The following CIITA variants were observed in gnomAD, a reference collection of about 807,000 sequenced individuals.
CIITA encodes class II major histocompatibility complex transactivator.
A neutral mutation model predicts 115.1 loss-of-function variants in CIITA; 72 were observed. The observed-to-expected ratio is 0.63, with a 90% CI of 0.52 to 0.76. CIITA has a LOEUF of 0.76. CIITA is among the 30% of genes least tolerant of loss of function. The probability of loss-of-function intolerance (pLI) is 0.00; values close to 1 mark genes in which losing one functional copy is unlikely to be tolerated. For missense variants in CIITA, 1,617 were observed against 1,463.8 expected, an observed-to-expected ratio of 1.10 and a Z score of -1.71; for synonymous variants, 763 against 635.6, an observed-to-expected ratio of 1.20 and a Z score of -3.02.
At position 10,931,995 on chromosome 16, in the gene CIITA, G is replaced by A. The variant is rs979285627; in HGVS notation, c.*8140G>A. ...GTAACAGGCAGATACAGGAAAAGCTGCTGACAGTGTTGTATGAGGTTTGAG... is the reference window on the plus strand; with the variant it reads ...GTAACAGGCAGATACAGGAAAAGCTACTGACAGTGTTGTATGAGGTTTGAG... On this transcript the variant is annotated 3_prime_UTR_variant, in exon 20 of 20. Transcript: ENST00000324288. 7 of 152,270 alleles carry A rather than the reference G, an allele frequency of 4.6e-5. No individual in the cohort carries two copies. The highest frequency in any genetic ancestry group is 1.7e-4 in the African/African-American group (7 of 41,466). The allele number at this position is 152,270 out of a possible 1,614,324, so 9.4% of individuals were successfully genotyped here.
intron 1 of CIITA, among the ~76,000 whole-genome samples, chr16:10,882,417 A>G (rs1423549158): frequency 1.6e-4 from 25 of 152,192 alleles, no homozygotes; most frequent in Admixed American, 1.6e-3. Context: ...GAAAGACTTC[A>G]GGAAGGAAAG....
intron 1 of CIITA, among the ~76,000 whole-genome samples, chr16:10,894,983 A>T (rs1480207595): frequency 6.6e-6 from 1 of 152,192 alleles, no homozygotes; most frequent in African/African-American, 2.4e-5. Flanking sequence ...GTTACCACTC[A>T]TGGCATTGCC....
intron 7 of CIITA, 71 bp downstream of exon 7, chr16:10,902,255 C>T: frequency 1.3e-6 from 2 of 1,583,264 alleles, no homozygotes; most frequent in Non-Finnish European, 1.7e-6. Context: ...GACACTAAGG[C>T]AGGGACTGTC....
Position 10,915,605 on chromosome 16 carries a change from A to C in CIITA, c.2924A>C (p.Lys975Thr). ...GTCTCAGGCCCCCAGGCTTTCCCCA[A>C]ACTGGTGCGGATCCTCACGGCCTTT... ...GPVSGPQAFPKLVRILTAFSS... is the reference protein window; with the variant it reads ...GPVSGPQAFPTLVRILTAFSS... Residue 975 changes from lysine (K) to threonine (T), a missense_variant, in exon 14 of 20, where the codon AAA (lysine) becomes ACA (threonine). Physicochemically the swap from Lys to Thr is moderately conservative, Grantham distance 78. Transcript: ENST00000324288. 1.9e-6 allele frequency: 3 copies of C among 1,613,996 alleles called. No homozygotes were observed. In the East Asian group the frequency reaches 6.7e-5, roughly 36 times the overall value.
At chr16:10,874,583 T>A (rs12449199), upstream of CIITA, among the ~76,000 whole-genome samples, 1 of 152,054 alleles carries the variant, frequency 6.6e-6, no homozygotes, top group South Asian at 2.1e-4. Context: ...AAACACACAG[T>A]TTGACGGATG....
chr16:10,905,658 A>T (rs1260819563), intron 10 of CIITA, among the ~76,000 whole-genome samples: 1 of 152,092 alleles, frequency 6.6e-6, no homozygotes, highest in Non-Finnish European at 1.5e-5. Context: ...GCTACTTGGC[A>T]GGCCGAGGCA....
In CIITA at chr16:10,927,606, C is replaced by G. The variant is rs1208106688; in HGVS notation, c.*3751C>G. 6.6e-6 allele frequency: 1 copy of G among 152,244 alleles called. No individual in the cohort carries two copies. The highest frequency in any genetic ancestry group is 1.5e-5 in the Non-Finnish European group (1 of 68,056). 9.4% of individuals were successfully genotyped at this position (152,244 alleles called of 1,614,324 possible). ...CAGTCTGTACACTGCACAAAGGCAC[C>G]TGGGACAAGGGGGAACATGGGGGCT... is the stretch of plus-strand genomic sequence containing the variant. On this transcript the variant is annotated 3_prime_UTR_variant, in exon 20 of 20. Transcript: ENST00000324288.
chr16:10,892,888 C>T (rs976558079), intron 1 of CIITA, among the ~76,000 whole-genome samples: 5 of 152,098 alleles, frequency 3.3e-5, no homozygotes, highest in South Asian at 2.1e-4. Context: ...GCCGATACAG[C>T]GCCACTGCAT....
chr16:10,911,312 T>C (rs1043617787), intron 13 of CIITA, among the ~76,000 whole-genome samples: 1 of 128,784 alleles, frequency 7.8e-6, no homozygotes, highest in Non-Finnish European at 1.7e-5. Flanking sequence ...CCCTCCCTCC[T>C]TCCTTCCTTC....
In CIITA at chr16:10,923,444, C is replaced by T. The variant is rs182084755; in HGVS notation, c.*22+119C>T. ...GTGGGGCTAGGCCACCACCCTTGGA[C>T]GCATGCGTCATCAGAGACATCCCCT... On this transcript the variant is annotated intron_variant, in intron 19 of 19. Coordinates refer to ENST00000324288, the MANE Select transcript of CIITA (RefSeq NM_000246.4). The surrounding 1 kb of genome is among the most constrained non-coding windows in gnomAD (Gnocchi z 5.2). 892 of 760,086 alleles carry T rather than the reference C, an allele frequency of 1.2e-3. 8 individuals carry two copies. The African/African-American group carries it at 0.013, about 11-fold the overall frequency. The allele number at this position is 760,086 out of a possible 1,614,324, so 47.1% of individuals were successfully genotyped here. A position where few individuals can be genotyped will look rare whatever the true frequency, so the allele number is the denominator to read the frequency against.
chr16:10,870,394 G>A (rs2035402739), intron 1 of CIITA, among the ~76,000 whole-genome samples: 1 of 152,154 alleles, frequency 6.6e-6, no homozygotes, highest in Non-Finnish European at 1.5e-5. Context: ...GTGCTACACT[G>A]AGCAACCTGT....
rs757579815 is a variant in CIITA at position 10,907,040 on chromosome 16, A to G, written c.1548A>G (p.Gly516=). The G allele has an allele frequency of 5.6e-6, 9 of 1,607,200 alleles. No individual in the cohort carries two copies. Among genetic ancestry groups the G allele is most frequent in the African/African-American group, 2.7e-5 (2 of 74,888 alleles). The change falls in exon 11 of 20, where the codon GGA becomes GGG. Residue 516 remains glycine, a synonymous_variant. Transcript: ENST00000324288. The surrounding 1 kb of genome is among the most constrained non-coding windows in gnomAD (Gnocchi z 5.0). ...ATGGCTTCCTGCACAGCACGTGCGGACCGGCACCGGCGGAGCCCTGCTCCC... is the reference window on the plus strand; with the variant it reads ...ATGGCTTCCTGCACAGCACGTGCGGGCCGGCACCGGCGGAGCCCTGCTCCC... The part of the protein sequence containing the change: ...AQDGFLHSTC[G]PAPAEPCSLR...
chr16:10,900,068 A>G (rs566922260), intron 5 of CIITA, among the ~76,000 whole-genome samples: 44 of 152,076 alleles, frequency 2.9e-4, no homozygotes, highest in African/African-American at 1.0e-3. Context: ...GTGGCAGAGT[A>G]AGACTCTGTC....
chr16:10,906,421 C>A, intron 10 of CIITA, 78 bp from the exon 11 acceptor site: 3 of 1,447,836 alleles, frequency 2.1e-6, no homozygotes, highest in Non-Finnish European at 2.9e-6. Flanking sequence ...ATGATGGTGG[C>A]AGTGCTGGCC....
At chr16:10,909,457 G>C (rs867665407) in intron 12 of CIITA, among the ~76,000 whole-genome samples, 1 of 152,246 alleles carries the variant, frequency 6.6e-6, no homozygotes, top group African/African-American at 2.4e-5. Context: ...CCTTCTAGGA[G>C]TTAACAAGGA....
chr16:10,905,617 C>G (rs2039086430), intron 10 of CIITA, among the ~76,000 whole-genome samples: 1 of 151,990 alleles, frequency 6.6e-6, no homozygotes, highest in Non-Finnish European at 1.5e-5. Flanking sequence ...CAAAAATTAG[C>G]CAGACGTGGT....
downstream of CIITA, chr16:10,940,372 A>C (rs1202596577): frequency 6.6e-6 from 1 of 152,268 alleles, no homozygotes; most frequent in Non-Finnish European, 1.5e-5. The surrounding 1 kb of genome is among the most constrained non-coding windows in gnomAD (Gnocchi z 4.2). Context: ...AGACTGAACT[A>C]AGACACCCTC....
Position 10,906,700 on chromosome 16 carries a change from C to T in CIITA, c.1208C>T (p.Ala403Val), listed in dbSNP as rs752535345. 6.2e-7 allele frequency: 1 copy of T among 1,612,632 alleles called. No homozygotes were observed. Among genetic ancestry groups the T allele is most frequent in the East Asian group, 2.2e-5 (1 of 44,890 alleles). ...AQGGLAEVLL[A>V]AKEHRRPRET... is the part of the protein sequence containing the mutation. Reference sequence around the variant, plus strand: ...GGAGGCCTGGCTGAGGTGCTGTTGGCTGCCAAGGAGCACCGGCGGCCGCGT... The same window carrying T: ...GGAGGCCTGGCTGAGGTGCTGTTGGTTGCCAAGGAGCACCGGCGGCCGCGT... Residue 403 changes from alanine to valine, a missense_variant, in exon 11 of 20, where the codon GCT (alanine) becomes GTT (valine). Ala to Val is a moderately conservative substitution (Grantham distance 64, BLOSUM62 0). Coordinates refer to ENST00000324288, the MANE Select transcript of CIITA (RefSeq NM_000246.4).
chr16:10,875,160 C>T (rs922587494), upstream of CIITA, among the ~76,000 whole-genome samples: 1 of 151,842 alleles, frequency 6.6e-6, no homozygotes, highest in Non-Finnish European at 1.5e-5. Flanking sequence ...GATTTTGCCA[C>T]GTTGGCCAGG....
Sources: allele counts gnomAD v4.1 joint callset (sites outside exome capture counted in the v4.1 genomes callset), GRCh38; gene constraint gnomAD v4.1.1; non-coding constraint Gnocchi (gnomAD v3.1); transcripts MANE v1.5; gene names NCBI Gene and HGNC (gene_info 2026-07-23, HGNC 2026-07-21).